Variants in TRPS1 observed in about 807,000 individuals in gnomAD.
The protein encoded by TRPS1 is transcriptional repressor GATA binding 1.
Under a neutral mutation model 101.2 loss-of-function variants are expected in TRPS1, and 6 were observed. The ratio of observed to expected loss-of-function variants is 0.06; its 90% CI spans 0.03 to 0.12. The LOEUF is 0.12. Among genes scored for constraint, TRPS1 ranks in the 10% least tolerant of loss-of-function variants. The probability of loss-of-function intolerance (pLI) is 1.00; values close to 1 mark genes in which losing one functional copy is unlikely to be tolerated. For missense variants in TRPS1, 1,363 were observed against 1,567.0 expected, an observed-to-expected ratio of 0.87 and a Z score of 2.20; for synonymous variants, 578 against 589.8, an observed-to-expected ratio of 0.98 and a Z score of 0.29.
chr8:115,424,595 A>G (rs1262743792), intron 5 of TRPS1, among the ~76,000 whole-genome samples: 5 of 152,242 alleles, frequency 3.3e-5, no homozygotes, highest in African/African-American at 1.2e-4. Flanking sequence ...CATGTGAATT[A>G]CGTGGAAACT....
rs185704743 is a variant in TRPS1 at position 115,598,983 on chromosome 8, T to C, written c.2096+4890A>G. ...TCCTGCTTAGTGTATGCTACGCTTC[T>C]TTGTATCTGAGTATTTATGTCTTTC... On this transcript the variant is annotated intron_variant, in intron 4 of 6. Coordinates refer to ENST00000395715, the MANE Select transcript of TRPS1 (RefSeq NM_014112.5). 7.2e-4 allele frequency among the ~76,000 whole-genome samples: 110 copies of C among 152,344 alleles called. No individual in the cohort carries two copies. The East Asian group carries it at 0.019, about 27-fold the overall frequency.
chr8:115,435,213 C>G (rs1813419163), intron 5 of TRPS1, among the ~76,000 whole-genome samples: 1 of 152,160 alleles, frequency 6.6e-6, no homozygotes, highest in Non-Finnish European at 1.5e-5. Flanking sequence ...TAGCTAGCTA[C>G]TGAAGTTCTC....
At chr8:115,571,388 A>G (rs1817200587) in intron 5 of TRPS1, among the ~76,000 whole-genome samples, 1 of 152,134 alleles carries the variant, frequency 6.6e-6, no homozygotes, top group South Asian at 2.1e-4. Flanking sequence ...TTTTCTTAAC[A>G]TTAAATGGGT....
At chr8:115,450,000 C>T (rs113505275) in intron 5 of TRPS1, among the ~76,000 whole-genome samples, 1 of 147,696 alleles carries the variant, frequency 6.8e-6, no homozygotes, top group Admixed American at 6.8e-5. Flanking sequence ...GACATACACA[C>T]ACAGAGGAAA....
At chr8:115,637,168 G>A (rs1818788945) in intron 1 of TRPS1, 6 of 838,080 alleles carry the variant, frequency 7.2e-6, no homozygotes, top group Non-Finnish European at 8.6e-6. Flanking sequence ...GAAACAAACG[G>A]TTGCTAACAA....
intron 5 of TRPS1, among the ~76,000 whole-genome samples, chr8:115,533,444 T>TTTTTTTTTTTG (rs1816194566): frequency 1.6e-5 from 2 of 126,536 alleles, no homozygotes; most frequent in African/African-American, 6.8e-5. Context: ...CTGTTTTTTT[T>TTTTTTTTTTTG]TTTTTTTTTT....
At chr8:115,490,087 G>C (rs992323639) in intron 5 of TRPS1, among the ~76,000 whole-genome samples, 1 of 151,982 alleles carries the variant, frequency 6.6e-6, no homozygotes, top group African/African-American at 2.4e-5. Flanking sequence ...TTTTACAATT[G>C]TATTTTTATA....
intron 1 of TRPS1, chr8:115,637,183 A>T: frequency 1.1e-6 from 1 of 886,292 alleles, no homozygotes; most frequent in Non-Finnish European, 1.4e-6. Context: ...TAACAATATT[A>T]ACATATGTCA....
At chr8:115,470,721 A>G (rs1814446351) in intron 5 of TRPS1, among the ~76,000 whole-genome samples, 1 of 152,228 alleles carries the variant, frequency 6.6e-6, no homozygotes. Context: ...AACCAAATGG[A>G]TAAAGGGGGC....
intron 5 of TRPS1, among the ~76,000 whole-genome samples, chr8:115,568,561 T>C (rs538590242): frequency 6.6e-6 from 1 of 152,272 alleles, no homozygotes; most frequent in African/African-American, 2.4e-5. Context: ...GAAAAGTTGA[T>C]ATTTTATGCT....
chr8:115,550,171 A>G (rs1816670486), intron 5 of TRPS1, among the ~76,000 whole-genome samples: 2 of 152,206 alleles, frequency 1.3e-5, no homozygotes, highest in Admixed American at 1.3e-4. Flanking sequence ...CCAAGATCTC[A>G]CTATTGTACT....
At chr8:115,442,364 G>T (rs1434600975) in intron 5 of TRPS1, among the ~76,000 whole-genome samples, 1 of 152,160 alleles carries the variant, frequency 6.6e-6, no homozygotes, top group African/African-American at 2.4e-5. Context: ...TGGAAGAAAG[G>T]TAAGCATGAA....
chr8:115,588,570 T>C (rs1457285005), intron 4 of TRPS1, among the ~76,000 whole-genome samples: 1 of 152,176 alleles, frequency 6.6e-6, no homozygotes, highest in Non-Finnish European at 1.5e-5. Flanking sequence ...AAATATTTGA[T>C]TAAAAAAGAA....
chr8:115,457,259 T>C (rs1814052778), intron 5 of TRPS1, among the ~76,000 whole-genome samples: 1 of 152,138 alleles, frequency 6.6e-6, no homozygotes, highest in African/African-American at 2.4e-5. Context: ...ATACATACAA[T>C]AGAATATTAT....
intron 1 of TRPS1, among the ~76,000 whole-genome samples, chr8:115,659,363 A>G (rs1041367768): frequency 2.0e-5 from 3 of 151,848 alleles, no homozygotes; most frequent in African/African-American, 7.2e-5. Context: ...ATTTAAAGAC[A>G]GCTTAACATA....
In TRPS1 at chr8:115,657,284, A is replaced by G. The variant is rs552567782; in HGVS notation, c.-122+11261T>C. On this transcript the variant is annotated intron_variant, in intron 1 of 6. Coordinates refer to ENST00000395715, the MANE Select transcript of TRPS1 (RefSeq NM_014112.5). ...ACTCTGAGTATTTCTACCTGATATG[A>G]TATTCATGTCGTAGCTCCTAAAAAT... Among the ~76,000 whole-genome samples the G allele has an allele frequency of 1.3e-4, 20 of 152,244 alleles. 1 individual carries two copies. Among genetic ancestry groups the G allele is most frequent in the African/African-American group, 4.6e-4 (19 of 41,554 alleles).
In TRPS1 at chr8:115,414,630, T is replaced by G; in HGVS notation, c.3278A>C (p.Tyr1093Ser). The G allele has an allele frequency of 6.2e-7, 1 of 1,613,990 alleles. No individual in the cohort carries two copies. The highest frequency in any genetic ancestry group is 2.2e-5 in the East Asian group (1 of 44,856). ...KYMRPAKHPN[Y>S]SPPGSPIEKY... ...TTCAATAGGGCTGCCTGGTGGTGAATAATTTGGGTGTTTCGCAGGTCTCAT... is the reference window on the plus strand; with the variant it reads ...TTCAATAGGGCTGCCTGGTGGTGAAGAATTTGGGTGTTTCGCAGGTCTCAT... Residue 1093 changes from tyrosine to serine, a missense_variant, in exon 7 of 7, where the codon TAT (tyrosine) becomes TCT (serine). Tyr to Ser is a moderately radical substitution (Grantham distance 144, BLOSUM62 -2). Transcript: ENST00000395715. This position sits in a 1 kb window ranked among gnomAD's most constrained non-coding sequence, Gnocchi z 4.8.
chr8:115,627,310 T>G (rs1484507213), intron 1 of TRPS1, among the ~76,000 whole-genome samples: 2 of 151,748 alleles, frequency 1.3e-5, no homozygotes, highest in African/African-American at 4.8e-5. Flanking sequence ...TAGTTTTTCC[T>G]TTTGTTTTCC....
At chr8:115,588,007 G>A (rs535774436) in intron 4 of TRPS1, among the ~76,000 whole-genome samples, 1 of 152,316 alleles carries the variant, frequency 6.6e-6, no homozygotes, top group Non-Finnish European at 1.5e-5. Context: ...GGATAATCAT[G>A]AATTATATCA....
Sources: allele counts gnomAD v4.1 joint callset (sites outside exome capture counted in the v4.1 genomes callset), GRCh38; gene constraint gnomAD v4.1.1; non-coding constraint Gnocchi (gnomAD v3.1); transcripts MANE v1.5; gene names NCBI Gene and HGNC (gene_info 2026-07-23, HGNC 2026-07-21).